FALEC: variants seen among roughly 807,000 people sequenced by gnomAD.
FALEC encodes focally amplified lncRNA on chromosome 1.
downstream of FALEC, among the ~76,000 whole-genome samples, chr1:150,522,976 TATATA>T (rs1196244413): frequency 5.8e-3 from 292 of 50,186 alleles, 44 homozygotes; most frequent in South Asian, 0.013. Flanking sequence ...TATATATATA[TATATA>T]TATTTTTTTT....
downstream of FALEC, chr1:150,518,111 AAGTT>A (rs1670594587): frequency 6.6e-6 from 1 of 152,258 alleles, no homozygotes; most frequent in South Asian, 2.1e-4. Context: ...ATATAGCAAT[AAGTT>A]AGGTGGTAGG....
chr1:150,529,889 G>A, the FALEC span, among the ~76,000 whole-genome samples: 6 of 152,124 alleles, frequency 3.9e-5, no homozygotes, highest in Non-Finnish European at 5.9e-5. Flanking sequence ...GAGCCACCGC[G>A]CCCAGCCTGT....
At chr1:150,533,822 T>C in the FALEC span, among the ~76,000 whole-genome samples, 1 of 152,068 alleles carries the variant, frequency 6.6e-6, no homozygotes, top group East Asian at 1.9e-4. Context: ...CCAAAAAAGA[T>C]AGAAAAAGGT....
the FALEC span, among the ~76,000 whole-genome samples, chr1:150,529,373 G>A: frequency 1.3e-5 from 2 of 152,218 alleles, no homozygotes; most frequent in African/African-American, 4.8e-5. Flanking sequence ...CCAAAATGGG[G>A]GCTTGGTGGG....
At chr1:150,527,899 G>A in the FALEC span, among the ~76,000 whole-genome samples, 6 of 152,138 alleles carry the variant, frequency 3.9e-5, no homozygotes, top group South Asian at 1.2e-3. Context: ...TCATTGGTAG[G>A]AGGACTTGCT....
At chr1:150,535,246 AT>A in the FALEC span, among the ~76,000 whole-genome samples, 5 of 151,416 alleles carry the variant, frequency 3.3e-5, no homozygotes, top group South Asian at 4.2e-4. Context: ...TTCTAACTTG[AT>A]TTTTTTTTCT....
chr1:150,516,003 T>G (rs1670564405), exon 1 of FALEC: 1 of 152,040 alleles, frequency 6.6e-6, no homozygotes, highest in African/African-American at 2.4e-5. Flanking sequence ...TCCCAGCACT[T>G]TGGGAGGCCG....
chr1:150,525,650 C>T, the FALEC span, among the ~76,000 whole-genome samples: 2 of 152,148 alleles, frequency 1.3e-5, no homozygotes, highest in Admixed American at 1.3e-4. Flanking sequence ...CTCTGTCACC[C>T]AGACACGAAT....
chr1:150,522,594 G>T (rs1045874721), downstream of FALEC, among the ~76,000 whole-genome samples: 1 of 150,664 alleles, frequency 6.6e-6, no homozygotes, highest in East Asian at 1.9e-4. Context: ...CTGCACTCCA[G>T]CCTGGGCAGC....
chr1:150,520,004 CCGG>C, downstream of FALEC, among the ~76,000 whole-genome samples: 1 of 152,134 alleles, frequency 6.6e-6, no homozygotes, highest in East Asian at 1.9e-4. Flanking sequence ...ACAAAATTAG[CCGG>C]GTGTGGTGGT....
At chr1:150,525,743 C>T in the FALEC span, among the ~76,000 whole-genome samples, 1 of 152,102 alleles carries the variant, frequency 6.6e-6, no homozygotes, top group African/African-American at 2.4e-5. Context: ...CCTCAGATTG[C>T]TGGGCTCAAG....
chr1:150,522,972 TATATATATA>T (rs1165313257), downstream of FALEC, among the ~76,000 whole-genome samples: 76 of 52,496 alleles, frequency 1.4e-3, 15 homozygotes, highest in African/African-American at 7.1e-3. Context: ...TATATATATA[TATATATATA>T]TATTTTTTTT....
the FALEC span, among the ~76,000 whole-genome samples, chr1:150,534,435 AG>A: frequency 2.2e-4 from 33 of 152,186 alleles, no homozygotes; most frequent in Non-Finnish European, 4.0e-4. Flanking sequence ...GTTCTTATGA[AG>A]GGTTCAGTCC....
At chr1:150,532,202 C>T in the FALEC span, among the ~76,000 whole-genome samples, 4 of 152,216 alleles carry the variant, frequency 2.6e-5, no homozygotes, top group African/African-American at 4.8e-5. Context: ...CCACCGCACC[C>T]GGCCAGCCTT....
At chr1:150,522,867 G>GTA (rs1397962460), downstream of FALEC, among the ~76,000 whole-genome samples, 4 of 68,128 alleles carry the variant, frequency 5.9e-5, no homozygotes, top group East Asian at 7.5e-4. Context: ...ATATATATAC[G>GTA]TATATATACA....
the FALEC span, among the ~76,000 whole-genome samples, chr1:150,528,241 T>C: frequency 6.6e-6 from 1 of 152,164 alleles, no homozygotes; most frequent in Admixed American, 6.5e-5. Flanking sequence ...GAAGGCACAG[T>C]TGATTCTGTG....
downstream of FALEC, among the ~76,000 whole-genome samples, chr1:150,522,945 GTGTGTATATA>G (rs1396347656): frequency 0.012 from 103 of 8,670 alleles, 3 homozygotes; most frequent in East Asian, 0.051. Context: ...GTGTGTGTGT[GTGTGTATATA>G]TATATATATA....
downstream of FALEC, among the ~76,000 whole-genome samples, chr1:150,522,771 C>T (rs1442833066): frequency 6.8e-6 from 1 of 148,040 alleles, no homozygotes; most frequent in Non-Finnish European, 1.5e-5. Context: ...ATAAAGGATG[C>T]AAGATATCAA....
the FALEC span, among the ~76,000 whole-genome samples, chr1:150,530,784 C>T: frequency 1.3e-5 from 2 of 152,322 alleles, no homozygotes; most frequent in Middle Eastern, 3.4e-3. Context: ...AGAGTGCCCT[C>T]GCCCTTCCCT....
Sources: allele counts gnomAD v4.1 joint callset (sites outside exome capture counted in the v4.1 genomes callset), GRCh38; gene constraint gnomAD v4.1.1; transcripts MANE v1.5; gene names NCBI Gene and HGNC (gene_info 2026-07-23, HGNC 2026-07-21).